CNTN5: variants seen among roughly 807,000 people sequenced by gnomAD.
CNTN5 encodes contactin 5.
A neutral mutation model predicts 129.1 loss-of-function variants in CNTN5; 77 were observed. That is an observed-to-expected ratio of 0.60 (90% confidence interval 0.50 to 0.72). CNTN5 has a LOEUF of 0.72. Among genes scored for constraint, CNTN5 ranks in the 30% least tolerant of loss-of-function variants. The pLI, the probability that CNTN5 is intolerant of heterozygous loss-of-function variation, is 0.00. For missense variants in CNTN5, 1,478 were observed against 1,328.8 expected, an observed-to-expected ratio of 1.11 and a Z score of -1.75; for synonymous variants, 509 against 465.6, an observed-to-expected ratio of 1.09 and a Z score of -1.20.
chr11:99,756,104 G>A (rs1322439465), intron 3 of CNTN5, among the ~76,000 whole-genome samples: 3 of 152,012 alleles, frequency 2.0e-5, no homozygotes, highest in African/African-American at 7.2e-5. Flanking sequence ...TATTTTTTCA[G>A]GTTGTCTATT....
intron 3 of CNTN5, among the ~76,000 whole-genome samples, chr11:99,704,059 GTGTGTGTGTGTA>G (rs1283912651): frequency 6.8e-6 from 1 of 147,226 alleles, no homozygotes; most frequent in East Asian, 2.0e-4. Flanking sequence ...ATATATATAT[GTGTGTGTGTGTA>G]TGTGTGTGTG....
chr11:99,046,060 C>A (rs1054979415), intron 1 of CNTN5, among the ~76,000 whole-genome samples: 1 of 152,106 alleles, frequency 6.6e-6, no homozygotes, highest in Non-Finnish European at 1.5e-5. Context: ...GGAGTGAGAC[C>A]TGGTGCGGTG....
At chr11:99,468,489 A>G (rs12792189) in intron 2 of CNTN5, among the ~76,000 whole-genome samples, 23,386 of 151,942 alleles carry the variant, frequency 0.15, 2,105 homozygotes, top group East Asian at 0.4. Context: ...AACAATGTGA[A>G]CTCTAGCTGC....
intron 3 of CNTN5, among the ~76,000 whole-genome samples, chr11:99,583,509 C>G (rs1489022144): frequency 1.3e-5 from 2 of 152,222 alleles, no homozygotes; most frequent in Admixed American, 6.5e-5. Flanking sequence ...TTTACCTACT[C>G]AAGCCTGAGC....
chr11:99,075,873 A>G (rs1426393425), intron 1 of CNTN5, among the ~76,000 whole-genome samples: 1 of 152,208 alleles, frequency 6.6e-6, no homozygotes, highest in Non-Finnish European at 1.5e-5. Flanking sequence ...AAAAGCAGTG[A>G]AAAAGATACA....
At chr11:99,616,928 T>A (rs627674) in intron 3 of CNTN5, among the ~76,000 whole-genome samples, 33,883 of 152,098 alleles carry the variant, frequency 0.22, 4,374 homozygotes, top group Middle Eastern at 0.35. Context: ...CTGGCCAACA[T>A]GGCAAAACCC....
chr11:99,753,418 G>T (rs1565491928), intron 3 of CNTN5, among the ~76,000 whole-genome samples: 1 of 150,890 alleles, frequency 6.6e-6, no homozygotes, highest in Non-Finnish European at 1.5e-5. Flanking sequence ...CACCGCGCCC[G>T]GCCTGCTTTT....
rs1228113480 is a variant in CNTN5, at chr11:99,295,602, C to T, written c.-209-29744C>T. On this transcript the variant is annotated intron_variant, in intron 1 of 24. Coordinates refer to ENST00000524871, the MANE Select transcript of CNTN5 (RefSeq NM_014361.4). ...TAAGAGTTTTGACTGATTGGCCGGG[C>T]GCGGTGGCTCACGCCTGTAATCCCA... Among the ~76,000 whole-genome samples, 2 of 152,122 alleles carry T rather than the reference C, an allele frequency of 1.3e-5. 1 individual carries two copies. Among genetic ancestry groups the T allele is most frequent in the South Asian group, 4.1e-4 (2 of 4,832 alleles).
At chr11:99,917,807 A>C (rs1018742901) in intron 7 of CNTN5, among the ~76,000 whole-genome samples, 3 of 152,164 alleles carry the variant, frequency 2.0e-5, no homozygotes, top group Admixed American at 2.0e-4. Context: ...ATATAGTACA[A>C]TGAATTGCAT....
rs185735693 is a variant in CNTN5, at chr11:100,041,163, C to G, written c.981-20049C>G. Among the ~76,000 whole-genome samples, 43 of 152,214 alleles carry G rather than the reference C, an allele frequency of 2.8e-4. 1 individual carries two copies. Among genetic ancestry groups the G allele is most frequent in the Middle Eastern group, 3.4e-3 (1 of 294 alleles). On this transcript the variant is annotated intron_variant, in intron 9 of 24. Coordinates refer to ENST00000524871, the MANE Select transcript of CNTN5 (RefSeq NM_014361.4). ...AATACACTCTTTTTCTCTCACAGCT[C>G]CAGGAGTTAGCATAGACTACTGACT... is the stretch of plus-strand genomic sequence containing the variant.
At chr11:99,782,349 C>G (rs1945342140) in intron 3 of CNTN5, among the ~76,000 whole-genome samples, 1 of 149,464 alleles carries the variant, frequency 6.7e-6, no homozygotes, top group Admixed American at 6.6e-5. Flanking sequence ...AATGGAAGAA[C>G]ATTCCATGCT....
chr11:100,224,539 T>TA lies in CNTN5; in HGVS notation c.1885-147dup, dbSNP rs551638179. ...AAAAACAAAACTTCTATGTGTTCCT[T>TA]AAAAAAGGGCATGTTTGATTTCTGA... On this transcript the variant is annotated intron_variant, in intron 15 of 24. Transcript: ENST00000524871. Among the ~76,000 whole-genome samples, 7 of 152,300 alleles carry TA rather than the reference T, an allele frequency of 4.6e-5. No individual in the cohort carries two copies. In the East Asian group the frequency reaches 1.3e-3, roughly 29 times the overall value.
At chr11:99,090,799 G>A (rs531568398) in intron 1 of CNTN5, among the ~76,000 whole-genome samples, 8 of 151,330 alleles carry the variant, frequency 5.3e-5, no homozygotes, top group South Asian at 4.2e-4. Context: ...GAGGCGGGCG[G>A]ATCACGAGGT....
intron 9 of CNTN5, among the ~76,000 whole-genome samples, chr11:100,053,752 C>G (rs1167340725): frequency 6.6e-6 from 1 of 151,674 alleles, no homozygotes; most frequent in Admixed American, 6.6e-5. Flanking sequence ...AATGTGTGTT[C>G]ACAAATACTT....
At position 99,786,121 on chromosome 11, in the gene CNTN5, C is replaced by T. The variant is rs138250686; in HGVS notation, c.56-33423C>T. Among the ~76,000 whole-genome samples, 640 of 152,138 alleles carry T rather than the reference C, an allele frequency of 4.2e-3. 2 individuals carry two copies. Among genetic ancestry groups the T allele is most frequent in the Middle Eastern group, 6.8e-3 (2 of 294 alleles). On this transcript the variant is annotated intron_variant, in intron 3 of 24. Coordinates refer to ENST00000524871, the MANE Select transcript of CNTN5 (RefSeq NM_014361.4). Reference sequence around the variant, plus strand: ...TTAGAAAACCCCGTCGTCTCAGCCCCAAATCTCCTTAAGCTGATAAGCAAC... The same window carrying T: ...TTAGAAAACCCCGTCGTCTCAGCCCTAAATCTCCTTAAGCTGATAAGCAAC...
chr11:100,014,616 A>T (rs770825465), intron 9 of CNTN5, among the ~76,000 whole-genome samples: 4 of 152,122 alleles, frequency 2.6e-5, no homozygotes, highest in Non-Finnish European at 5.9e-5. Context: ...TTAAAAATAC[A>T]TAGATTTTTA....
At chr11:100,221,989 C>T (rs1166954903) in intron 15 of CNTN5, among the ~76,000 whole-genome samples, 1 of 152,146 alleles carries the variant, frequency 6.6e-6, no homozygotes, top group African/African-American at 2.4e-5. Context: ...ATACTGTGAG[C>T]TGAGATTTAG....
At chr11:99,828,644 G>A (rs1395050152) in intron 4 of CNTN5, among the ~76,000 whole-genome samples, 2 of 152,132 alleles carry the variant, frequency 1.3e-5, no homozygotes, top group Non-Finnish European at 2.9e-5. Context: ...ATATGAAATA[G>A]TTTTTGTTTA....
At chr11:99,956,467 T>A (rs1034158062) in intron 7 of CNTN5, among the ~76,000 whole-genome samples, 4 of 152,186 alleles carry the variant, frequency 2.6e-5, no homozygotes, top group African/African-American at 4.8e-5. Flanking sequence ...GGGTAAATTT[T>A]CTTCATTAAA....
Sources: gnomAD v4.1 joint callset for allele counts (sites outside exome capture counted in the v4.1 genomes callset) on GRCh38, gnomAD v4.1.1 for gene constraint, MANE v1.5 for transcripts, NCBI Gene and HGNC (gene_info 2026-07-23, HGNC 2026-07-21) for gene names.